DMD: variants seen among roughly 807,000 people sequenced by gnomAD.
The protein encoded by DMD is mutant dystrophin.
A neutral mutation model predicts 330.1 loss-of-function variants in DMD; 63 were observed. The observed-to-expected ratio is 0.19, with a 90% confidence interval of 0.16 to 0.24. The LOEUF (loss-of-function observed/expected upper bound fraction) is 0.24, where lower values mean the gene tolerates loss of function less well. DMD is among the 10% of genes least tolerant of loss of function. The probability of loss-of-function intolerance (pLI) is 1.00; values close to 1 mark genes in which losing one functional copy is unlikely to be tolerated. For synonymous variants in DMD, 1,223 were observed against 959.8 expected (o/e 1.27, Z -5.07); for missense variants, 3,344 against 2,684.1 (o/e 1.25, Z -5.43).
At chrX:32,100,457 C>A (rs1364386111) in intron 44 of DMD, among the ~76,000 whole-genome samples, 1 of 108,123 alleles carries the variant, frequency 9.2e-6, no homozygotes, top group Admixed American at 1.0e-4. Context: ...AAGTTTAAAG[C>A]CTTGGAGCCA....
chrX:32,961,774 C>T (rs1403946629), intron 2 of DMD, among the ~76,000 whole-genome samples: 1 of 111,457 alleles, frequency 9.0e-6, no homozygotes, highest in Non-Finnish European at 1.9e-5. Context: ...TACATCTAGG[C>T]ATAAGATTTT....
At chrX:32,664,838 A>G (rs752355499) in intron 9 of DMD, among the ~76,000 whole-genome samples, 1 of 111,965 alleles carries the variant, frequency 8.9e-6, no homozygotes, top group Non-Finnish European at 1.9e-5. Context: ...TGATGCCAGG[A>G]GGCTAGATAA....
chrX:33,036,129 AGC>A (rs201367433), intron 1 of DMD, among the ~76,000 whole-genome samples: 2 of 106,800 alleles, frequency 1.9e-5, no homozygotes, highest in African/African-American at 7.6e-5. Flanking sequence ...GAATAAAGAG[AGC>A]GAGAGAGAGA....
At chrX:32,573,187 T>A (rs1478290622) in intron 15 of DMD, among the ~76,000 whole-genome samples, 1 of 111,942 alleles carries the variant, frequency 8.9e-6, no homozygotes, top group East Asian at 2.8e-4. Flanking sequence ...TCACATATTA[T>A]TCTGAGAATC....
chrX:33,201,560 A>G (rs1295325502), intron 1 of DMD, among the ~76,000 whole-genome samples: 1 of 111,542 alleles, frequency 9.0e-6, no homozygotes, highest in Admixed American at 9.6e-5. Context: ...TTACTGGTAC[A>G]CTCTAGAATT....
At chrX:32,936,086 G>A (rs1430486463) in intron 2 of DMD, among the ~76,000 whole-genome samples, 2 of 106,728 alleles carry the variant, frequency 1.9e-5, no homozygotes, top group African/African-American at 3.4e-5. Flanking sequence ...AGAAACCACA[G>A]GTGATTTCAT....
intron 71 of DMD, 75 bp downstream of exon 71, chrX:31,177,855 AAT>A: frequency 2.2e-6 from 2 of 913,201 alleles, no homozygotes; most frequent in African/African-American, 3.9e-5. Flanking sequence ...AAAACAAACA[AAT>A]AAACAGAACA....
intron 44 of DMD, among the ~76,000 whole-genome samples, chrX:32,017,157 T>C (rs2095768115): frequency 8.9e-6 from 1 of 112,278 alleles, no homozygotes; most frequent in African/African-American, 3.2e-5. Context: ...AATCTCCTTT[T>C]TACCTTTTGA....
At chrX:31,511,995 G>GT (rs2071657407) in intron 55 of DMD, among the ~76,000 whole-genome samples, 1 of 110,064 alleles carries the variant, frequency 9.1e-6, no homozygotes, top group Non-Finnish European at 1.9e-5. Context: ...TCCAGCACCT[G>GT]TTGTTTCCTG....
intron 45 of DMD, among the ~76,000 whole-genome samples, chrX:31,967,194 G>A (rs950096239): frequency 9.1e-5 from 10 of 109,811 alleles, no homozygotes; most frequent in African/African-American, 3.3e-4. Context: ...ACAAAGTTTA[G>A]TTCTTTATTT....
At chrX:32,751,956 C>T (rs771587916) in intron 7 of DMD, among the ~76,000 whole-genome samples, 50 of 112,835 alleles carry the variant, frequency 4.4e-4, no homozygotes, top group African/African-American at 1.3e-3. Context: ...TCAAGAACTG[C>T]GGTTTGGGAA....
chrX:32,395,283 A>C (rs1207524664), intron 30 of DMD, among the ~76,000 whole-genome samples: 1 of 111,978 alleles, frequency 8.9e-6, no homozygotes, highest in Non-Finnish European at 1.9e-5. Context: ...TCAATTCCAC[A>C]CAGTGAGAAC....
At chrX:31,841,659 C>T (rs1569471707) in intron 48 of DMD, among the ~76,000 whole-genome samples, 1 of 111,913 alleles carries the variant, frequency 8.9e-6, no homozygotes, top group East Asian at 2.8e-4. Context: ...ATCCTAGGGC[C>T]CTTAAGATTA....
chrX:32,712,522 C>T (rs1487153953), intron 7 of DMD, among the ~76,000 whole-genome samples: 1 of 111,431 alleles, frequency 9.0e-6, no homozygotes, highest in Non-Finnish European at 1.9e-5. Context: ...AACACAGGGC[C>T]TATTTACATG....
intron 53 of DMD, among the ~76,000 whole-genome samples, chrX:31,668,653 T>C (rs999383139): frequency 3.6e-5 from 4 of 111,073 alleles, no homozygotes; most frequent in African/African-American, 1.3e-4. Context: ...TTTTGAAATA[T>C]ACAATATAAT....
At chrX:32,376,188 G>C (rs1241024517) in intron 34 of DMD, among the ~76,000 whole-genome samples, 1 of 111,701 alleles carries the variant, frequency 9.0e-6, no homozygotes, top group Non-Finnish European at 1.9e-5. Flanking sequence ...GGCTGGGGCA[G>C]GAGAACTGCT....
At chrX:31,349,912 T>C (rs2058298694) in intron 60 of DMD, among the ~76,000 whole-genome samples, 1 of 111,307 alleles carries the variant, frequency 9.0e-6, no homozygotes, top group Admixed American at 9.6e-5. Context: ...GAAAAGTGGC[T>C]CAGGTAGCCT....
rs5972599 is a variant in DMD, at chrX:32,573,624, G to A, written c.1718C>T (p.Ala573Val). ...RLTEEQCLFS[A>V]WLSEKEDAVN... is the part of the protein sequence containing the mutation. Reference sequence around the variant, plus strand: ...TGCATCTTCTTTTTCTGAAAGCCATGCACTAAAAAGGCACTGCAAGACATT... The same window carrying A: ...TGCATCTTCTTTTTCTGAAAGCCATACACTAAAAAGGCACTGCAAGACATT... Residue 573 changes from alanine (A) to valine (V), a missense_variant, in exon 15 of 79, where the codon GCA becomes GTA. Coordinates refer to ENST00000357033, the MANE Select transcript of DMD (RefSeq NM_004006.3). 8.0e-4 allele frequency: 968 copies of A among 1,206,911 alleles called. 4 individuals are homozygous for A. The African/African-American group carries it at 0.015, about 19-fold the overall frequency.
At chrX:32,556,565 C>T (rs985425078) in intron 16 of DMD, among the ~76,000 whole-genome samples, 2 of 111,634 alleles carry the variant, frequency 1.8e-5, no homozygotes, top group Non-Finnish European at 3.8e-5. Flanking sequence ...CCTTAATGCT[C>T]ATCAATGATA....
Sources: gnomAD v4.1 joint callset for allele counts (sites outside exome capture counted in the v4.1 genomes callset) on GRCh38, gnomAD v4.1.1 for gene constraint, MANE v1.5 for transcripts, NCBI Gene and HGNC (gene_info 2026-07-23, HGNC 2026-07-21) for gene names.